Variants in ZRANB3 observed in about 807,000 individuals in gnomAD.
The protein encoded by ZRANB3 is DNA annealing helicase and endonuclease ZRANB3.
In ZRANB3, 125 loss-of-function variants were observed where a neutral mutation model predicts 133.8. The ratio of observed to expected loss-of-function variants is 0.93; its 90% confidence interval spans 0.81 to 1.08. ZRANB3 has a LOEUF of 1.08. ZRANB3 is among the 50% of genes least tolerant of loss of function. The pLI, the probability that ZRANB3 is intolerant of heterozygous loss-of-function variation, is 0.00. For missense variants in ZRANB3, 1,229 were observed against 1,275.5 expected (o/e 0.96, Z 0.56); for synonymous variants, 387 against 432.7 (o/e 0.89, Z 1.31).
intron 3 of ZRANB3, among the ~76,000 whole-genome samples, chr2:135,362,434 A>T (rs931224364): frequency 1.3e-5 from 2 of 152,152 alleles, no homozygotes; most frequent in African/African-American, 4.8e-5. Context: ...CTGGGAACAG[A>T]GGAAGGCAGA....
At chr2:135,490,421 A>G (rs562129446) in intron 2 of ZRANB3, among the ~76,000 whole-genome samples, 16 of 152,350 alleles carry the variant, frequency 1.1e-4, no homozygotes, top group African/African-American at 3.8e-4. Flanking sequence ...ATCACTAATC[A>G]TCAGAGAAAT....
At chr2:135,408,164 G>A (rs1195602833) in intron 2 of ZRANB3, among the ~76,000 whole-genome samples, 1 of 151,820 alleles carries the variant, frequency 6.6e-6, no homozygotes, top group Non-Finnish European at 1.5e-5. Context: ...AGTGGGCAAA[G>A]GATATGAACA....
intron 17 of ZRANB3, among the ~76,000 whole-genome samples, chr2:135,216,730 G>A (rs530026186): frequency 1.2e-4 from 19 of 152,046 alleles, no homozygotes; most frequent in Admixed American, 3.3e-4. Context: ...ATGAGCCACC[G>A]CGCGCAGCCT....
chr2:135,408,652 G>A (rs1162635654), intron 2 of ZRANB3, among the ~76,000 whole-genome samples: 3 of 152,082 alleles, frequency 2.0e-5, no homozygotes, highest in Non-Finnish European at 2.9e-5. Context: ...GCCATAAAAA[G>A]TGATGAGTTC....
Position 135,518,878 on chromosome 2 carries a change from C to T in ZRANB3, c.-8+12249G>A, listed in dbSNP as rs149038325. Among the ~76,000 whole-genome samples, 218 of 152,248 alleles carry T rather than the reference C, an allele frequency of 1.4e-3. 5 individuals are homozygous for T. The highest frequency in any genetic ancestry group is 0.011 in the Admixed American group (172 of 15,298). ...CTGCAGCATGTTATTTCCTTGTTTG[C>T]TTAATCTTGCTTCCTACTTCTGTTT... On this transcript the variant is annotated intron_variant, in intron 1 of 20. Coordinates refer to ENST00000264159, the MANE Select transcript of ZRANB3 (RefSeq NM_032143.4).
At chr2:135,332,425 C>T (rs1684190964) in intron 6 of ZRANB3, among the ~76,000 whole-genome samples, 1 of 152,118 alleles carries the variant, frequency 6.6e-6, no homozygotes. Flanking sequence ...ATGTCTTATT[C>T]ATCTTTGTAT....
intron 2 of ZRANB3, among the ~76,000 whole-genome samples, chr2:135,447,942 C>A (rs1401162342): frequency 6.6e-6 from 1 of 152,060 alleles, no homozygotes; most frequent in South Asian, 2.1e-4. Context: ...GAAATGTATT[C>A]GACTAGAAAG....
chr2:135,267,750 A>T (rs1260089129), intron 11 of ZRANB3, among the ~76,000 whole-genome samples: 1 of 152,146 alleles, frequency 6.6e-6, no homozygotes, highest in Non-Finnish European at 1.5e-5. Flanking sequence ...TTAAATATTT[A>T]TATCCAGTGC....
intron 2 of ZRANB3, among the ~76,000 whole-genome samples, chr2:135,453,514 C>G (rs1357888808): frequency 6.6e-6 from 1 of 152,196 alleles, no homozygotes; most frequent in African/African-American, 2.4e-5. Context: ...CAAGTCACCT[C>G]TTGAATCCTT....
intron 2 of ZRANB3, among the ~76,000 whole-genome samples, chr2:135,422,071 A>C (rs1327853962): frequency 6.6e-6 from 1 of 152,006 alleles, no homozygotes; most frequent in Non-Finnish European, 1.5e-5. Context: ...TTCCTGAATC[A>C]CATTTTTATC....
At chr2:135,386,936 C>A (rs529691770) in intron 3 of ZRANB3, among the ~76,000 whole-genome samples, 2 of 150,744 alleles carry the variant, frequency 1.3e-5, no homozygotes, top group South Asian at 4.2e-4. Context: ...CACATGTATA[C>A]CTATGTAACA....
At chr2:135,285,723 T>A (rs60156667) in intron 8 of ZRANB3, among the ~76,000 whole-genome samples, 2 of 152,206 alleles carry the variant, frequency 1.3e-5, no homozygotes, top group African/African-American at 2.4e-5. Context: ...GAAAAATAAC[T>A]GGCATTTCTC....
chr2:135,314,711 C>A (rs573994963), intron 7 of ZRANB3, among the ~76,000 whole-genome samples: 1 of 152,056 alleles, frequency 6.6e-6, no homozygotes, highest in South Asian at 2.1e-4. Flanking sequence ...AACACAATTT[C>A]CCTTGCTAAT....
chr2:135,311,388 A>T (rs1273121186), intron 8 of ZRANB3, among the ~76,000 whole-genome samples: 1 of 152,186 alleles, frequency 6.6e-6, no homozygotes, highest in Non-Finnish European at 1.5e-5. Context: ...CTACTTTGAA[A>T]AACAATTTGG....
At chr2:135,219,225 A>C in intron 15 of ZRANB3, 47 bp from the exon 16 acceptor site, 1 of 1,164,866 alleles carries the variant, frequency 8.6e-7, no homozygotes, top group Non-Finnish European at 1.2e-6. Flanking sequence ...TTGTATAGGC[A>C]CTAGTAACTA....
In ZRANB3 at chr2:135,217,520, T is replaced by G; in HGVS notation, c.2440A>C (p.Ile814Leu). Residue 814 changes from isoleucine (I) to leucine (L), a missense_variant, in exon 17 of 21, where the codon ATT becomes CTT. By Grantham distance (5) the Ile-to-Leu change is conservative. Coordinates refer to ENST00000264159, the MANE Select transcript of ZRANB3 (RefSeq NM_032143.4). Reference sequence around the variant, plus strand: ...TTTGTGATCTCTTCCAAAGCAAGAATTGGGCTACAGAATAGCTGTCCACTT... The same window carrying G: ...TTTGTGATCTCTTCCAAAGCAAGAAGTGGGCTACAGAATAGCTGTCCACTT... ...RKSGQLFCSPILALEEITKQQ... is the reference protein window; with the variant it reads ...RKSGQLFCSPLLALEEITKQQ... 6.2e-7 allele frequency: 1 copy of G among 1,613,730 alleles called. No individual in the cohort carries two copies. Among genetic ancestry groups the G allele is most frequent in the Non-Finnish European group, 8.5e-7 (1 of 1,179,808 alleles).
At chr2:135,262,762 T>A (rs965837236) in intron 12 of ZRANB3, among the ~76,000 whole-genome samples, 1 of 150,796 alleles carries the variant, frequency 6.6e-6, no homozygotes, top group Non-Finnish European at 1.5e-5. Context: ...ACCTGGGTGA[T>A]AGGCAGAGAG....
chr2:135,259,235 C>T (rs1445951898), intron 12 of ZRANB3, among the ~76,000 whole-genome samples: 5 of 151,890 alleles, frequency 3.3e-5, no homozygotes, highest in Non-Finnish European at 7.4e-5. Context: ...AGCCATGTTG[C>T]CCAGGCAGGT....
intron 5 of ZRANB3, 67 bp downstream of exon 5, chr2:135,349,917 G>A: frequency 7.1e-7 from 1 of 1,407,266 alleles, no homozygotes; most frequent in Non-Finnish European, 9.9e-7. Context: ...CAAAACAGGT[G>A]GTTGATTCAA....
Sources: allele counts gnomAD v4.1 joint callset (sites outside exome capture counted in the v4.1 genomes callset), GRCh38; gene constraint gnomAD v4.1.1; transcripts MANE v1.5; gene names NCBI Gene and HGNC (gene_info 2026-07-23, HGNC 2026-07-21).